Variants in H2BC5 observed in about 807,000 individuals in gnomAD.
H2BC5 encodes H2B clustered histone 5, also known as histone H2B type 1-D.
A neutral mutation model predicts 5.7 loss-of-function variants in H2BC5; 9 were observed. That is an observed-to-expected ratio of 1.57 (90% confidence interval 0.95 to 2.74). The LOEUF (loss-of-function observed/expected upper bound fraction) is 2.74. Ranked by LOEUF, H2BC5 falls within the 30% of genes most tolerant of loss-of-function variation. The pLI, the probability that H2BC5 is intolerant of heterozygous loss-of-function variation, is 0.00. For synonymous variants in H2BC5, 133 were observed against 70.9 expected, an observed-to-expected ratio of 1.88 and a Z score of -4.40; for missense variants, 175 against 168.8, an observed-to-expected ratio of 1.04 and a Z score of -0.20.
chr6:26,158,615 A>G, downstream of H2BC5: 1 of 1,586,948 alleles, frequency 6.3e-7, no homozygotes, highest in South Asian at 1.1e-5. Context: ...GCATGTTTTC[A>G]ATAAATGAGT....
At chr6:26,159,026 A>C (rs1419131996), downstream of H2BC5, among the ~76,000 whole-genome samples, 1 of 152,178 alleles carries the variant, frequency 6.6e-6, no homozygotes, top group Non-Finnish European at 1.5e-5. Context: ...AATAACTGCA[A>C]GTAAAGGCTG....
intron 1 of H2BC5, among the ~76,000 whole-genome samples, chr6:26,168,591 T>C (rs1288820522): frequency 1.3e-5 from 2 of 152,202 alleles, no homozygotes; most frequent in Non-Finnish European, 2.9e-5. Flanking sequence ...AAAAAGCATT[T>C]GTGCTTTAAA....
downstream of H2BC5, among the ~76,000 whole-genome samples, chr6:26,158,949 T>G (rs964034614): frequency 3.3e-5 from 5 of 152,214 alleles, no homozygotes; most frequent in Non-Finnish European, 7.3e-5. Context: ...AACTTCCTTA[T>G]GTTTGGAGCT....
At chr6:26,168,474 A>G (rs972019850) in intron 1 of H2BC5, among the ~76,000 whole-genome samples, 1 of 151,950 alleles carries the variant, frequency 6.6e-6, no homozygotes, top group East Asian at 1.9e-4. Flanking sequence ...AAAAAAAAAT[A>G]AATAAATTAG....
chr6:26,158,686 T>C (rs531377051), downstream of H2BC5: 22 of 1,347,968 alleles, frequency 1.6e-5, no homozygotes, highest in East Asian at 3.1e-4. Flanking sequence ...CAATCTTTAA[T>C]GTTACGTTAG....
chr6:26,166,692 CTTTTTTTTTTTTTTT>C (rs139697089), intron 1 of H2BC5, among the ~76,000 whole-genome samples: 1 of 90,164 alleles, frequency 1.1e-5, no homozygotes, highest in African/African-American at 4.7e-5. Context: ...ATACTTTTGG[CTTTTTTTTTTTTTTT>C]TTTTTTTTTT....
chr6:26,169,912 A>AAAAAAG (rs1364713098), intron 1 of H2BC5, among the ~76,000 whole-genome samples: 2 of 152,170 alleles, frequency 1.3e-5, no homozygotes, highest in African/African-American at 4.8e-5. Flanking sequence ...AAAAAAAGAA[A>AAAAAAG]AAAAAGAAAA....
At chr6:26,159,939 T>C (rs138491728), downstream of H2BC5, among the ~76,000 whole-genome samples, 410 of 152,306 alleles carry the variant, frequency 2.7e-3, 2 homozygotes, top group East Asian at 0.012. Context: ...TGGCTTTTAC[T>C]CAACCCGTGG....
chr6:26,159,118 T>C (rs1443556141), downstream of H2BC5, among the ~76,000 whole-genome samples: 1 of 152,150 alleles, frequency 6.6e-6, no homozygotes, highest in African/African-American at 2.4e-5. Context: ...TCTGAAGCTC[T>C]TAAGCGAGTG....
intron 1 of H2BC5, among the ~76,000 whole-genome samples, chr6:26,168,055 C>G (rs1764460532): frequency 6.6e-6 from 1 of 151,958 alleles, no homozygotes; most frequent in Non-Finnish European, 1.5e-5. Context: ...TTGAAGGTAT[C>G]TGCTTTCCAG....
intron 1 of H2BC5, among the ~76,000 whole-genome samples, chr6:26,168,469 A>T (rs144285827): frequency 0.015 from 2,251 of 152,074 alleles, 17 homozygotes; most frequent in Non-Finnish European, 0.014. Context: ...TTAAAAAAAA[A>T]AAATAAATAA....
In H2BC5 at chr6:26,166,909, G is replaced by A. The variant is rs900106305; in HGVS notation, c.*10-4066G>A. On this transcript the variant is annotated intron_variant, in intron 1 of 1. Coordinates refer to the H2BC5 transcript ENST00000289316. Reference sequence around the variant, plus strand: ...AGAGATGGGGTTTCACCATGTTGACGAGGCTGGTCTCGAACTCCTGACCTC... The same window carrying A: ...AGAGATGGGGTTTCACCATGTTGACAAGGCTGGTCTCGAACTCCTGACCTC... Among the ~76,000 whole-genome samples, 5 of 151,230 alleles carry A rather than the reference G, an allele frequency of 3.3e-5. No individual in the cohort carries two copies. The South Asian group carries it at 6.3e-4, about 19-fold the overall frequency.
At chr6:26,163,249 G>A (rs1764376292), downstream of H2BC5, 1 of 151,968 alleles carries the variant, frequency 6.6e-6, no homozygotes, top group Non-Finnish European at 1.5e-5. Context: ...GTGTAGCTGG[G>A]ATTACAGGCA....
At chr6:26,159,246 T>G (rs1365698705), downstream of H2BC5, among the ~76,000 whole-genome samples, 3 of 97,064 alleles carry the variant, frequency 3.1e-5, no homozygotes, top group Admixed American at 1.2e-4. Context: ...TTTATAGGTT[T>G]TTTTTTTTTT....
Position 26,158,198 on chromosome 6 carries a change from C to A in H2BC5, c.29C>A (p.Ala10Asp). ...CCTGAACCTACCAAGTCTGCTCCTG[C>A]CCCAAAGAAGGGCTCCAAGAAGGCG... MPEPTKSAP[A>D]PKKGSKKAVT... The change falls in exon 1 of 1, where the codon GCC becomes GAC. Residue 10 changes from alanine to aspartate, a missense_variant. Coordinates refer to ENST00000377777, the MANE Select transcript of H2BC5 (RefSeq NM_021063.4). 6.2e-7 allele frequency: 1 copy of A among 1,614,180 alleles called. No homozygotes were observed. The highest frequency in any genetic ancestry group is 1.6e-4 in the Middle Eastern group (1 of 6,062).
downstream of H2BC5, among the ~76,000 whole-genome samples, chr6:26,159,252 T>TG: frequency 2.2e-5 from 3 of 137,924 alleles, no homozygotes; most frequent in Middle Eastern, 3.5e-3. Context: ...GGTTTTTTTT[T>TG]TTTTTTTTTT....
chr6:26,164,246 A>G, intron 1 of H2BC5: 1 of 349,574 alleles, frequency 2.9e-6, no homozygotes, highest in South Asian at 2.7e-5. Flanking sequence ...CACCATGATC[A>G]GCCAGCCCTC....
chr6:26,163,930 T>G (rs1764384510), intron 1 of H2BC5: 1 of 238,210 alleles, frequency 4.2e-6, no homozygotes, highest in Non-Finnish European at 8.5e-6. Flanking sequence ...TGTGAGCCAT[T>G]TCCTCCGGCA....
chr6:26,168,057 G>A (rs906694840), intron 1 of H2BC5, among the ~76,000 whole-genome samples: 10 of 151,904 alleles, frequency 6.6e-5, no homozygotes, highest in African/African-American at 2.4e-4. Flanking sequence ...GAAGGTATCT[G>A]CTTTCCAGGC....
Sources: gnomAD v4.1 joint callset for allele counts (sites outside exome capture counted in the v4.1 genomes callset) on GRCh38, gnomAD v4.1.1 for gene constraint, MANE v1.5 for transcripts, NCBI Gene and HGNC (gene_info 2026-07-23, HGNC 2026-07-21) for gene names.